SLC17A1: variants seen among roughly 807,000 people sequenced by gnomAD.
SLC17A1 encodes the protein solute carrier family 17 member 1, also known as sodium-dependent phosphate transport protein 1.
In SLC17A1, 51 loss-of-function variants were observed where a neutral mutation model predicts 53.5. The ratio of observed to expected loss-of-function variants is 0.95; its 90% CI spans 0.76 to 1.20. SLC17A1 has a LOEUF of 1.20. Ranked by LOEUF, SLC17A1 falls within the 50% of genes most tolerant of loss-of-function variation. The pLI is 0.00. For missense variants in SLC17A1, 538 were observed against 568.2 expected (o/e 0.95, Z 0.54); for synonymous variants, 179 against 198.8 (o/e 0.90, Z 0.84).
chr6:25,731,729 G>T, the SLC17A1 span: 2 of 1,235,636 alleles, frequency 1.6e-6, no homozygotes, highest in Non-Finnish European at 2.2e-6. Flanking sequence ...AACTTTCATT[G>T]GCTCTTAAAA....
the SLC17A1 span, chr6:25,773,316 A>G: frequency 6.2e-7 from 1 of 1,613,924 alleles, no homozygotes; most frequent in East Asian, 2.2e-5. Flanking sequence ...GTTTCCTCTC[A>G]TTTATGATGA....
chr6:25,795,409 G>A lies in SLC17A1; in HGVS notation c.*2+3374C>T, dbSNP rs1763583368. ...AAAATGAACACATTTTCAAAGAAGA[G>A]TTAGAGAGCATAAGCACAATCAAAA... On this transcript the variant is annotated intron_variant, in intron 12 of 12. Transcript: ENST00000244527. Among the ~76,000 whole-genome samples, 4 of 152,100 alleles carry A rather than the reference G, an allele frequency of 2.6e-5. No individual in the cohort carries two copies. In the South Asian group the frequency reaches 8.3e-4, roughly 32 times the overall value.
the SLC17A1 span, among the ~76,000 whole-genome samples, chr6:25,754,178 G>A: frequency 6.6e-6 from 1 of 152,050 alleles, no homozygotes; most frequent in Non-Finnish European, 1.5e-5. Context: ...CTAGAGGTGG[G>A]GAACCAGAAT....
At chr6:25,742,280 TTGAC>T in the SLC17A1 span, among the ~76,000 whole-genome samples, 1 of 152,122 alleles carries the variant, frequency 6.6e-6, no homozygotes, top group African/African-American at 2.4e-5. Flanking sequence ...CTAAGTTACA[TTGAC>T]TGATCAGAAC....
At chr6:25,738,659 T>G in the SLC17A1 span, among the ~76,000 whole-genome samples, 1 of 152,186 alleles carries the variant, frequency 6.6e-6, no homozygotes, top group African/African-American at 2.4e-5. Flanking sequence ...TGATCTATGT[T>G]AATATAAAGA....
At chr6:25,770,996 C>G in the SLC17A1 span, 3 of 1,613,618 alleles carry the variant, frequency 1.9e-6, no homozygotes, top group Non-Finnish European at 2.5e-6. Context: ...GATGGCCTTA[C>G]GTCTTCTATA....
the SLC17A1 span, among the ~76,000 whole-genome samples, chr6:25,760,869 T>C: frequency 6.6e-6 from 1 of 152,352 alleles, no homozygotes; most frequent in East Asian, 1.9e-4. Flanking sequence ...TCTTCAATTA[T>C]TTAAAGCATA....
At chr6:25,816,941 G>A (rs1291554713) in intron 6 of SLC17A1, among the ~76,000 whole-genome samples, 3 of 150,524 alleles carry the variant, frequency 2.0e-5, no homozygotes, top group East Asian at 3.9e-4. Context: ...TCTGCCTCCC[G>A]GATTCAAGTG....
the SLC17A1 span, chr6:25,727,300 A>C: frequency 6.3e-7 from 1 of 1,577,358 alleles, no homozygotes; most frequent in Non-Finnish European, 8.6e-7. Context: ...TAAGCCTGCT[A>C]AGTAAACGTC....
the SLC17A1 span, among the ~76,000 whole-genome samples, chr6:25,728,231 G>A: frequency 2.3e-4 from 35 of 152,232 alleles, no homozygotes; most frequent in African/African-American, 8.2e-4. Context: ...ATGATTGTGC[G>A]AACTCTGGAG....
intron 12 of SLC17A1, among the ~76,000 whole-genome samples, chr6:25,790,402 CTTCTATTTTATTTTTTAATTGCATT>C (rs1187317829): frequency 1.3e-5 from 2 of 152,104 alleles, no homozygotes; most frequent in East Asian, 3.8e-4. Flanking sequence ...AGACAAAGAG[CTTCTATTTTATTTTTTAATTGCATT>C]TTCTATTTTA....
the SLC17A1 span, chr6:25,727,155 G>T: frequency 1.3e-4 from 206 of 1,614,118 alleles, no homozygotes; most frequent in Non-Finnish European, 1.3e-4. Flanking sequence ...ATCACGTTTG[G>T]CTCACTACAG....
At chr6:25,726,706 A>C in the SLC17A1 span, 1 of 1,058,228 alleles carries the variant, frequency 9.4e-7, no homozygotes, top group East Asian at 2.4e-5. Flanking sequence ...TTGTCCAATC[A>C]GATTTTGGAT....
At chr6:25,770,474 A>T in the SLC17A1 span, 1 of 1,613,906 alleles carries the variant, frequency 6.2e-7, no homozygotes, top group Non-Finnish European at 8.5e-7. Context: ...TGGATCAGGT[A>T]ACTGGTACCC....
At chr6:25,762,989 G>T in the SLC17A1 span, among the ~76,000 whole-genome samples, 1 of 152,132 alleles carries the variant, frequency 6.6e-6, no homozygotes, top group African/African-American at 2.4e-5. Flanking sequence ...GGCATACTGG[G>T]TAAAAGCACG....
the SLC17A1 span, chr6:25,770,474 A>G: frequency 6.2e-7 from 1 of 1,613,906 alleles, no homozygotes; most frequent in Non-Finnish European, 8.5e-7. Flanking sequence ...TGGATCAGGT[A>G]ACTGGTACCC....
the SLC17A1 span, among the ~76,000 whole-genome samples, chr6:25,760,372 C>T: frequency 6.6e-6 from 1 of 152,056 alleles, no homozygotes; most frequent in African/African-American, 2.4e-5. Context: ...TGTAAGTGAT[C>T]TTCTATGGTA....
the SLC17A1 span, among the ~76,000 whole-genome samples, chr6:25,747,911 G>A: frequency 6.6e-6 from 1 of 151,356 alleles, no homozygotes; most frequent in Non-Finnish European, 1.5e-5. Context: ...AAGATGCCTA[G>A]GATATATTGA....
rs779978733 is a variant in SLC17A1, at chr6:25,826,628, C to A, written c.40G>T (p.Gly14Cys). The change falls in exon 3 of 13, where the codon GGT (glycine) becomes TGT (cysteine). Residue 14 changes from glycine to cysteine, a missense_variant. Transcript: ENST00000244527. ...AATCCATAGCGAAAGGAACAGAAAC[C>A]TGGAACTACAAAGTAAAACAGAAAG... ...DNRLPPKKVP[G>C]FCSFRYGLSF... is the part of the protein sequence containing the mutation. 4 of 1,560,928 alleles carry A rather than the reference C, an allele frequency of 2.6e-6. No individual in the cohort carries two copies. The African/African-American group carries it at 4.1e-5, about 16-fold the overall frequency.
Sources: gnomAD v4.1 joint callset for allele counts (sites outside exome capture counted in the v4.1 genomes callset) on GRCh38, gnomAD v4.1.1 for gene constraint, MANE v1.5 for transcripts, NCBI Gene and HGNC (gene_info 2026-07-23, HGNC 2026-07-21) for gene names.